CGN: variants seen among roughly 807,000 people sequenced by gnomAD.
CGN encodes the protein cingulin.
CGN carries 121 observed loss-of-function variants against 157.1 expected under a neutral mutation model. The observed-to-expected ratio is 0.77, with a 90% CI of 0.66 to 0.90. CGN has a LOEUF of 0.90. Among genes scored for constraint, CGN ranks in the 40% least tolerant of loss-of-function variants. The pLI, the probability that CGN is intolerant of heterozygous loss-of-function variation, is 0.00. For missense variants in CGN, 1,424 were observed against 1,520.9 expected, an observed-to-expected ratio of 0.94 and a Z score of 1.06; for synonymous variants, 535 against 607.5, an observed-to-expected ratio of 0.88 and a Z score of 1.76.
chr1:151,517,015 G>A (rs903074003), intron 1 of CGN, among the ~76,000 whole-genome samples: 5 of 151,522 alleles, frequency 3.3e-5, no homozygotes, highest in South Asian at 4.2e-4. Flanking sequence ...AAAATTAGCC[G>A]GGCATGGTGG....
intron 18 of CGN, 103 bp downstream of exon 18, chr1:151,536,001 G>T (rs1440177261): frequency 1.2e-5 from 11 of 883,284 alleles, no homozygotes; most frequent in Non-Finnish European, 1.5e-5. Flanking sequence ...CTCAGATATG[G>T]CCAGCCTGGC....
intron 6 of CGN, among the ~76,000 whole-genome samples, chr1:151,523,815 A>G (rs901787213): frequency 7.9e-5 from 12 of 152,240 alleles, no homozygotes; most frequent in Non-Finnish European, 1.3e-4. Context: ...AAATAGACTT[A>G]ATAATAGTAC....
At chr1:151,527,812 C>T in intron 10 of CGN, 1 of 200,120 alleles carries the variant, frequency 5.0e-6, no homozygotes. Context: ...GTTTTATACA[C>T]ACACACACAC....
intron 15 of CGN, 126 bp downstream of exon 15, chr1:151,534,262 T>G: frequency 1.1e-6 from 1 of 892,514 alleles, no homozygotes; most frequent in Non-Finnish European, 1.7e-6. Context: ...TTCAACAACT[T>G]TGAATCAATT....
chr1:151,535,668 C>G lies in CGN; in HGVS notation c.3063C>G (p.Ile1021Met). 8 of 1,614,016 alleles carry G rather than the reference C, an allele frequency of 5.0e-6. No homozygotes were observed. The highest frequency in any genetic ancestry group is 6.8e-6 in the Non-Finnish European group (8 of 1,179,902). The change falls in exon 17 of 21, where the codon ATC (isoleucine) becomes ATG (methionine). Residue 1021 changes from isoleucine (I) to methionine (M), a missense_variant. Ile to Met is a conservative substitution (Grantham distance 10, BLOSUM62 1). Around this residue, in one of 3 missense-constraint regions of CGN, gnomAD observed 199 missense variants for 272.2 expected, o/e 0.73. Transcript: ENST00000271636. The part of the protein sequence containing the change: ...SARQDLECDK[I>M]SLERQNKDLK... ...GGCAGGACCTGGAGTGTGACAAAAT[C>G]TCCTTGGAGAGACAGGTGATGGGGG...
In CGN at chr1:151,526,966, C is replaced by T. The variant is rs1475370111; in HGVS notation, c.1764-9C>T. On this transcript the variant is annotated splice_polypyrimidine_tract_variant and intron_variant, in intron 9 of 20. Transcript: ENST00000271636. ...CCCTTTCCCCTTTATTTCACCTTGC[C>T]TGGCTCAGACTCCTGCAGCTGCGAA... 1.7e-5 allele frequency: 27 copies of T among 1,613,956 alleles called. No individual in the cohort carries two copies. Among genetic ancestry groups the T allele is most frequent in the Non-Finnish European group, 2.3e-5 (27 of 1,180,004 alleles).
intron 8 of CGN, among the ~76,000 whole-genome samples, chr1:151,525,124 C>T (rs1196337303): frequency 2.0e-5 from 3 of 152,000 alleles, no homozygotes; most frequent in Non-Finnish European, 2.9e-5. Flanking sequence ...GGACTGGGTG[C>T]GGTAGCTCAT....
At position 151,519,044 on chromosome 1, in the gene CGN, G is replaced by C; in HGVS notation, c.525G>C (p.Leu175=). ...GTAGCACCATTGACACTGCTCCCCTGTCTTCAGTGGACTCACTCATCAACA... is the reference window on the plus strand; with the variant it reads ...GTAGCACCATTGACACTGCTCCCCTCTCTTCAGTGGACTCACTCATCAACA... The part of the protein sequence containing the change: ...SPGSTIDTAP[L]SSVDSLINKF... The change falls in exon 2 of 21, where the codon CTG becomes CTC. Residue 175 remains leucine (L), a synonymous_variant. Coordinates refer to ENST00000271636, the MANE Select transcript of CGN (RefSeq NM_020770.3). The C allele has an allele frequency of 6.2e-7, 1 of 1,614,158 alleles. No homozygotes were observed. The highest frequency in any genetic ancestry group is 8.5e-7 in the Non-Finnish European group (1 of 1,180,042).
intron 5 of CGN, among the ~76,000 whole-genome samples, chr1:151,521,208 G>A (rs1029309464): frequency 2.0e-5 from 3 of 152,084 alleles, no homozygotes; most frequent in African/African-American, 4.8e-5. Context: ...GAAAAAATCC[G>A]GGTCAGTCTT....
chr1:151,514,066 C>G (rs1178407760), intron 1 of CGN, among the ~76,000 whole-genome samples: 1 of 152,226 alleles, frequency 6.6e-6, no homozygotes, highest in Non-Finnish European at 1.5e-5. Context: ...TCCTCTGTAA[C>G]CAAAGGCGGG....
intron 8 of CGN, 132 bp downstream of exon 8, chr1:151,525,018 G>A (rs746635295): frequency 1.3e-6 from 1 of 743,154 alleles, no homozygotes; most frequent in South Asian, 1.6e-5. Context: ...GACACAGTGA[G>A]ATCTGCTGAA....
Position 151,529,954 on chromosome 1 carries a change from C to T in CGN, c.2152C>T (p.Arg718Trp), listed in dbSNP as rs147054552. 1,085 of 1,614,056 alleles carry T rather than the reference C, an allele frequency of 6.7e-4. 8 individuals are homozygous for T. The African/African-American group carries it at 0.012, about 19-fold the overall frequency. The change falls in exon 12 of 21, where the codon CGG becomes TGG. Residue 718 changes from arginine (R) to tryptophan (W), a missense_variant. By Grantham distance (101) the Arg-to-Trp change is moderately radical (BLOSUM62 -3). Transcript: ENST00000271636. ...EAEATVLGQRRAAVETTLRET... is the reference protein window; with the variant it reads ...EAEATVLGQRWAAVETTLRET... ...AGAGGCAACAGTGCTGGGGCAGCGG[C>T]GGGCCGCAGTGGAGACGACGCTTCG...
rs1287546780 is a variant in CGN, at chr1:151,529,990, G to A, written c.2188G>A (p.Glu730Lys). 1 of 1,614,068 alleles carries A rather than the reference G, an allele frequency of 6.2e-7. No homozygotes were observed. The highest frequency in any genetic ancestry group is 8.5e-7 in the Non-Finnish European group (1 of 1,180,026). ...AVETTLRETQ[E>K]ENDEFRRRIL... ...GGAGACGACGCTTCGGGAGACCCAGGAGGAAAATGACGAATTCCGCCGGCG... is the reference window on the plus strand; with the variant it reads ...GGAGACGACGCTTCGGGAGACCCAGAAGGAAAATGACGAATTCCGCCGGCG... The change falls in exon 12 of 21, where the codon GAG becomes AAG. Residue 730 changes from glutamate (E) to lysine (K), a missense_variant. Coordinates refer to ENST00000271636, the MANE Select transcript of CGN (RefSeq NM_020770.3).
chr1:151,520,718 G>T lies in CGN; in HGVS notation c.1140+27G>T, dbSNP rs773917702. 1.9e-6 allele frequency: 3 copies of T among 1,590,856 alleles called. No homozygotes were observed. In the African/African-American group the frequency reaches 4.0e-5, roughly 21 times the overall value. On this transcript the variant is annotated intron_variant, in intron 5 of 20. Transcript: ENST00000271636. ...TAAGGAAAGGTTAGAGGTGCCGGAG[G>T]CATGAAGGAAAACAGGGAAAAAGCC... is the stretch of plus-strand genomic sequence containing the variant.
At chr1:151,517,772 A>G (rs948601177) in intron 1 of CGN, among the ~76,000 whole-genome samples, 1 of 152,028 alleles carries the variant, frequency 6.6e-6, no homozygotes, top group Non-Finnish European at 1.5e-5. Context: ...TCAGCCTCCC[A>G]AAGTGCTGGG....
rs71090182 is a variant in CGN, at chr1:151,511,435, TGCCCGAGCCCGAGCCCGA to T, written c.-64_-47del. On this transcript the variant is annotated 5_prime_UTR_variant, in exon 1 of 21. Coordinates refer to ENST00000271636, the MANE Select transcript of CGN (RefSeq NM_020770.3). The surrounding 1 kb of genome is among the most constrained non-coding windows in gnomAD (Gnocchi z 4.8). ...AGGGCCGGAGCTGCGCGTGCTGCTT[TGCCCGAGCCCGAGCCCGA>T]GCCCGAGCCCGAGCCCGAGCCCGAG... The T allele has an allele frequency of 4.3e-3, 649 of 150,394 alleles. 2 individuals are homozygous for T. Among genetic ancestry groups the T allele is most frequent in the African/African-American group, 0.013 (499 of 38,604 alleles). 9.3% of individuals were successfully genotyped at this position (150,394 alleles called of 1,614,324 possible).
chr1:151,536,089 C>A, intron 18 of CGN, 148 bp from the exon 19 acceptor site: 1 of 713,216 alleles, frequency 1.4e-6, no homozygotes. Flanking sequence ...TGACGTCACT[C>A]TCCCTCATTC....
rs190143610 is a variant in CGN at position 151,535,233 on chromosome 1, G to A, written c.2994+102G>A. On this transcript the variant is annotated intron_variant, in intron 16 of 20. Coordinates refer to ENST00000271636, the MANE Select transcript of CGN (RefSeq NM_020770.3). ...TCCCATCTTTCATCATCTGGCTGCC[G>A]AATCTGTGCGTGGCTGGGTCTCCTT... The A allele has an allele frequency of 1.3e-5, 12 of 898,576 alleles. 1 individual carries two copies. The highest frequency in any genetic ancestry group is 1.0e-4 in the South Asian group (7 of 68,044). The allele number at this position is 898,576 out of a possible 1,614,324, so 55.7% of individuals were successfully genotyped here. A position where few individuals can be genotyped will look rare whatever the true frequency, so the allele number is the denominator to read the frequency against.
intron 10 of CGN, chr1:151,527,950 ATTTTTTTT>A (rs374689451): frequency 2.5e-5 from 2 of 81,528 alleles, no homozygotes; most frequent in Non-Finnish European, 4.2e-5. Flanking sequence ...ATATATATAT[ATTTTTTTT>A]TTTTTTTTTT....
Sources: allele counts gnomAD v4.1 joint callset (sites outside exome capture counted in the v4.1 genomes callset), GRCh38; gene constraint gnomAD v4.1.1; regional missense constraint gnomAD v4.1.1; non-coding constraint Gnocchi (gnomAD v3.1); transcripts MANE v1.5; gene names NCBI Gene and HGNC (gene_info 2026-07-23, HGNC 2026-07-21).